RABGAP1L: variants seen among roughly 807,000 people sequenced by gnomAD.
The protein encoded by RABGAP1L is RAB GTPase activating protein 1 like.
In RABGAP1L, 63 loss-of-function variants were observed where a neutral mutation model predicts 137.7. The observed-to-expected ratio is 0.46, with a 90% CI of 0.37 to 0.56. The LOEUF (loss-of-function observed/expected upper bound fraction) is 0.56. Among genes scored for constraint, RABGAP1L ranks in the 20% least tolerant of loss-of-function variants. The pLI is 0.00. For synonymous variants in RABGAP1L, 431 were observed against 433.7 expected (o/e 0.99, Z 0.08); for missense variants, 1,095 against 1,244.0 (o/e 0.88, Z 1.80).
chr1:174,703,715 A>G (rs539295775), intron 17 of RABGAP1L, among the ~76,000 whole-genome samples: 46 of 151,742 alleles, frequency 3.0e-4, no homozygotes, highest in Non-Finnish European at 5.5e-4. Context: ...AGCAGTGTGG[A>G]CTCTTTTCTC....
intron 11 of RABGAP1L, among the ~76,000 whole-genome samples, chr1:174,349,032 C>CGGCT (rs2148915714): frequency 7.0e-6 from 1 of 143,434 alleles, no homozygotes; most frequent in African/African-American, 2.5e-5. Flanking sequence ...CCGGACAGGG[C>CGGCT]GGCTGGCCGG....
chr1:174,613,216 A>G (rs548181137), intron 13 of RABGAP1L, among the ~76,000 whole-genome samples: 2,548 of 151,416 alleles, frequency 0.017, 62 homozygotes, highest in African/African-American at 0.059. Flanking sequence ...TTCCCTCTAC[A>G]CAGTGCTTTG....
At chr1:174,313,483 A>G (rs1186124446) in intron 11 of RABGAP1L, among the ~76,000 whole-genome samples, 1 of 152,172 alleles carries the variant, frequency 6.6e-6, no homozygotes, top group Non-Finnish European at 1.5e-5. Flanking sequence ...TGCTCTAGCT[A>G]GGACTTGCAG....
intron 13 of RABGAP1L, among the ~76,000 whole-genome samples, chr1:174,573,185 CTA>C (rs1243629792): frequency 5.3e-5 from 8 of 150,256 alleles, no homozygotes; most frequent in African/African-American, 1.2e-4. Context: ...TGTATATACA[CTA>C]TATGTGTGTG....
At chr1:174,185,867 G>GACTTAAAGTACTTTAAAATTT (rs1666757516) in intron 1 of RABGAP1L, among the ~76,000 whole-genome samples, 1 of 152,170 alleles carries the variant, frequency 6.6e-6, no homozygotes, top group African/African-American at 2.4e-5. Flanking sequence ...TTAAAGTCGG[G>GACTTAAAGTACTTTAAAATTT]GCGCGGTGGC....
intron 13 of RABGAP1L, among the ~76,000 whole-genome samples, chr1:174,454,047 G>A (rs977646289): frequency 2.6e-5 from 4 of 152,202 alleles, no homozygotes; most frequent in Non-Finnish European, 1.5e-5. Flanking sequence ...GGCAGATCAC[G>A]AAGTCAGGAG....
chr1:174,618,101 G>T (rs187972719), intron 13 of RABGAP1L, among the ~76,000 whole-genome samples: 1 of 152,134 alleles, frequency 6.6e-6, no homozygotes, highest in Non-Finnish European at 1.5e-5. Context: ...TGGGAGGGGC[G>T]CCCGCCATTG....
At chr1:174,246,711 T>C (rs1672294394) in intron 5 of RABGAP1L, among the ~76,000 whole-genome samples, 1 of 152,178 alleles carries the variant, frequency 6.6e-6, no homozygotes. Context: ...ATAAGGGACT[T>C]AAACATCTAT....
chr1:174,665,984 A>C (rs1296513596), intron 14 of RABGAP1L, among the ~76,000 whole-genome samples: 1 of 152,214 alleles, frequency 6.6e-6, no homozygotes, highest in Non-Finnish European at 1.5e-5. Context: ...TCTTTCTTTA[A>C]ATGTTTCTGT....
chr1:174,550,138 G>A lies in RABGAP1L; in HGVS notation c.1711-87237G>A, dbSNP rs34169525. On this transcript the variant is annotated intron_variant, in intron 13 of 25. Coordinates refer to ENST00000681986, the MANE Select transcript of RABGAP1L (RefSeq NM_001366446.1). The stretch of plus-strand genomic sequence containing the variant: ...ATTGGTACCTCAGTCACTTAAAATG[G>A]TAACACTAGTTGAGAATTATACCTC... 7.0e-3 allele frequency among the ~76,000 whole-genome samples: 1,062 copies of A among 152,120 alleles called. 4 individuals are homozygous for A. The highest frequency in any genetic ancestry group is 9.5e-3 in the Non-Finnish European group (648 of 68,000).
At chr1:174,849,168 A>G (rs1184843393) in intron 19 of RABGAP1L, among the ~76,000 whole-genome samples, 2 of 152,114 alleles carry the variant, frequency 1.3e-5, no homozygotes, top group African/African-American at 4.8e-5. Flanking sequence ...TCAGATGGAA[A>G]TGCAGAAATC....
At chr1:174,551,282 T>C (rs931441780) in intron 13 of RABGAP1L, among the ~76,000 whole-genome samples, 2 of 151,558 alleles carry the variant, frequency 1.3e-5, no homozygotes, top group African/African-American at 2.4e-5. Flanking sequence ...ATCACCAAGG[T>C]AGATCCCATC....
At chr1:174,328,003 A>ATATATATATG (rs1680684359) in intron 11 of RABGAP1L, among the ~76,000 whole-genome samples, 1 of 127,470 alleles carries the variant, frequency 7.8e-6, no homozygotes, top group African/African-American at 3.8e-5. Flanking sequence ...ATATATATAT[A>ATATATATATG]TATATATATA....
chr1:174,488,447 T>C (rs1346836326), intron 13 of RABGAP1L, among the ~76,000 whole-genome samples: 1 of 152,176 alleles, frequency 6.6e-6, no homozygotes, highest in African/African-American at 2.4e-5. Context: ...TTGCTGCTTT[T>C]AGGATACTTT....
intron 19 of RABGAP1L, among the ~76,000 whole-genome samples, chr1:174,906,699 A>G (rs1396508831): frequency 1.3e-5 from 2 of 152,022 alleles, no homozygotes; most frequent in Non-Finnish European, 2.9e-5. Context: ...TGAGATCACT[A>G]AACAGATTCA....
chr1:174,298,576 G>A (rs139968549), intron 10 of RABGAP1L, among the ~76,000 whole-genome samples: 1 of 152,256 alleles, frequency 6.6e-6, no homozygotes, highest in African/African-American at 2.4e-5. Context: ...ATTTGGAATT[G>A]AGTCTGGGGC....
At chr1:174,858,855 C>G (rs1334935472) in intron 19 of RABGAP1L, among the ~76,000 whole-genome samples, 1 of 152,044 alleles carries the variant, frequency 6.6e-6, no homozygotes. Flanking sequence ...GTTTAAAGAT[C>G]AAATAATCTT....
At chr1:174,680,986 A>G (rs1678022695) in intron 14 of RABGAP1L, among the ~76,000 whole-genome samples, 1 of 152,226 alleles carries the variant, frequency 6.6e-6, no homozygotes, top group African/African-American at 2.4e-5. Context: ...ACATGAAAAC[A>G]TTTTCTATAC....
At chr1:174,300,925 C>T (rs928827725) in intron 10 of RABGAP1L, among the ~76,000 whole-genome samples, 5 of 152,146 alleles carry the variant, frequency 3.3e-5, no homozygotes, top group African/African-American at 1.2e-4. Flanking sequence ...AAGGAACTCA[C>T]CATAGTGACA....
Sources: gnomAD v4.1 joint callset for allele counts (sites outside exome capture counted in the v4.1 genomes callset) on GRCh38, gnomAD v4.1.1 for gene constraint, MANE v1.5 for transcripts, NCBI Gene and HGNC (gene_info 2026-07-23, HGNC 2026-07-21) for gene names.